Variants in CBLN2 observed in about 807,000 individuals in gnomAD.
The protein encoded by CBLN2 is cerebellin-2.
CBLN2 carries 7 observed loss-of-function variants against 15.0 expected under a neutral mutation model. The ratio of observed to expected loss-of-function variants is 0.47; its 90% CI spans 0.27 to 0.88. The LOEUF (loss-of-function observed/expected upper bound fraction) is 0.88. Ranked by LOEUF, CBLN2 falls within the 40% of genes least tolerant of loss-of-function variation. The pLI, the probability that CBLN2 is intolerant of heterozygous loss-of-function variation, is 0.14. For missense variants in CBLN2, 242 were observed against 304.5 expected (o/e 0.79, Z 1.53); for synonymous variants, 149 against 135.2 (o/e 1.10, Z -0.71).
At chr18:72,628,022 T>C (rs1163508748) in intron 1 of CBLN2, among the ~76,000 whole-genome samples, 3 of 152,206 alleles carry the variant, frequency 2.0e-5, no homozygotes, top group African/African-American at 4.8e-5. Flanking sequence ...TCTCCTGTGG[T>C]AAATCATCAG....
At chr18:72,622,404 C>T (rs889316673) in intron 1 of CBLN2, among the ~76,000 whole-genome samples, 1 of 151,756 alleles carries the variant, frequency 6.6e-6, no homozygotes, top group Non-Finnish European at 1.5e-5. Context: ...GCTTACAATG[C>T]CCTCTTGGAA....
At chr18:72,621,958 C>T (rs772492636) in intron 1 of CBLN2, among the ~76,000 whole-genome samples, 1 of 152,152 alleles carries the variant, frequency 6.6e-6, no homozygotes, top group Non-Finnish European at 1.5e-5. Flanking sequence ...GAGTGGAACA[C>T]ACATTAATTA....
At chr18:72,545,177 A>G (rs897929022), upstream of CBLN2, among the ~76,000 whole-genome samples, 7 of 152,116 alleles carry the variant, frequency 4.6e-5, no homozygotes, top group African/African-American at 1.7e-4. Flanking sequence ...TCTCACCGCT[A>G]TTCTCCCCAT....
intron 1 of CBLN2, among the ~76,000 whole-genome samples, chr18:72,579,163 C>G (rs1367099186): frequency 6.6e-6 from 1 of 152,196 alleles, no homozygotes; most frequent in African/African-American, 2.4e-5. Flanking sequence ...AATACTATTA[C>G]TGCCTTTATC....
chr18:72,569,769 C>T (rs2069319191), intron 1 of CBLN2, among the ~76,000 whole-genome samples: 1 of 152,076 alleles, frequency 6.6e-6, no homozygotes, highest in African/African-American at 2.4e-5. Context: ...AAGGGGAAGG[C>T]AATAAGCAGT....
intron 1 of CBLN2, among the ~76,000 whole-genome samples, chr18:72,583,099 C>T (rs768094393): frequency 2.0e-5 from 3 of 152,036 alleles, no homozygotes; most frequent in Admixed American, 1.3e-4. Flanking sequence ...GCCCAGGCCT[C>T]GAGGGCAGGG....
rs764214008 is a variant in CBLN2 at position 72,542,027 on chromosome 18, G to T, written c.134C>A (p.Ala45Asp). Residue 45 changes from alanine (A) to aspartate (D), a missense_variant, in exon 3 of 5, where the codon GCC becomes GAC. Physicochemically the swap from Ala to Asp is moderately radical, Grantham distance 126. Around this residue, in one of 4 missense-constraint regions of CBLN2, gnomAD observed 96 missense variants for 83.8 expected, o/e 1.15. Coordinates refer to ENST00000269503, the MANE Select transcript of CBLN2 (RefSeq NM_182511.4). Reference sequence around the variant, plus strand: ...GTTCTGCGCCCGCACGGGGCAGCAGGCGGGCAGTAGCAGCAACAGCAGGGC... The same window carrying T: ...GTTCTGCGCCCGCACGGGGCAGCAGTCGGGCAGTAGCAGCAACAGCAGGGC... ...ALALLLLLLP[A>D]CCPVRAQNDT... is the part of the protein sequence containing the mutation. The T allele has an allele frequency of 2.5e-6, 4 of 1,593,906 alleles. No homozygotes were observed. In the South Asian group the frequency reaches 4.5e-5, roughly 18 times the overall value.
chr18:72,593,954 TA>T (rs1240968665), intron 1 of CBLN2, among the ~76,000 whole-genome samples: 5 of 152,042 alleles, frequency 3.3e-5, no homozygotes, highest in East Asian at 1.9e-4. Context: ...TATGCAGCCA[TA>T]AAAAAGGATG....
chr18:72,581,098 T>C (rs2069400488), intron 1 of CBLN2, among the ~76,000 whole-genome samples: 1 of 152,202 alleles, frequency 6.6e-6, no homozygotes, highest in African/African-American at 2.4e-5. Flanking sequence ...TTAGTAATTT[T>C]CTATCCACTG....
chr18:72,578,763 C>T (rs624599), intron 1 of CBLN2, among the ~76,000 whole-genome samples: 54,763 of 152,060 alleles, frequency 0.36, 12,554 homozygotes, highest in African/African-American at 0.63. Flanking sequence ...CCTTAGTGTG[C>T]TACCTGCCTA....
chr18:72,625,739 C>A (rs28525040), intron 1 of CBLN2, among the ~76,000 whole-genome samples: 5 of 100,208 alleles, frequency 5.0e-5, no homozygotes, highest in Middle Eastern at 0.017. Flanking sequence ...CACTCTTGTC[C>A]GTTAGACCAA....
chr18:72,583,719 AC>A (rs1204036063), intron 1 of CBLN2, among the ~76,000 whole-genome samples: 2 of 152,346 alleles, frequency 1.3e-5, no homozygotes, highest in African/African-American at 4.8e-5. Context: ...GAGCATTCTT[AC>A]CACTTATAGT....
rs368831135 is a variant in CBLN2 at position 72,630,564 on chromosome 18, C to CAGAG, written c.15+7757_15+7760dup. 6.0e-3 allele frequency among the ~76,000 whole-genome samples: 813 copies of CAGAG among 135,584 alleles called. 7 individuals carry two copies. The highest frequency in any genetic ancestry group is 0.018 in the South Asian group (68 of 3,856). 88.9% of individuals were successfully genotyped at this position (135,584 alleles called of 152,430 possible). On this transcript the variant is annotated intron_variant, in intron 1 of 2. Transcript: ENST00000581073. ...CCTCCCCCCCACACACACACACATG[C>CAGAG]AGAGAGAGAGAGAGAGAGAGAGAGG... is the stretch of plus-strand genomic sequence containing the variant.
chr18:72,631,933 T>C (rs8093484), intron 1 of CBLN2, among the ~76,000 whole-genome samples: 85,571 of 151,596 alleles, frequency 0.56, 25,417 homozygotes, highest in Middle Eastern at 0.66. Context: ...ATCAACGATT[T>C]TGATGTACTA....
intron 1 of CBLN2, among the ~76,000 whole-genome samples, chr18:72,574,332 A>G (rs1238131272): frequency 6.6e-6 from 1 of 152,206 alleles, no homozygotes; most frequent in Non-Finnish European, 1.5e-5. Flanking sequence ...TAAAGAAATC[A>G]TCGCCACTTA....
At chr18:72,595,554 AT>A (rs1273422840) in intron 1 of CBLN2, among the ~76,000 whole-genome samples, 1 of 152,134 alleles carries the variant, frequency 6.6e-6, no homozygotes, top group African/African-American at 2.4e-5. Context: ...TATAGTGTAA[AT>A]TAAGTCTGAT....
intron 1 of CBLN2, among the ~76,000 whole-genome samples, chr18:72,591,311 C>A (rs549932554): frequency 2.0e-5 from 3 of 152,078 alleles, no homozygotes; most frequent in Non-Finnish European, 2.9e-5. Context: ...CCTAACAAAT[C>A]TATCAGAATC....
chr18:72,608,278 C>T (rs923856094), intron 1 of CBLN2, among the ~76,000 whole-genome samples: 1 of 152,070 alleles, frequency 6.6e-6, no homozygotes, highest in Non-Finnish European at 1.5e-5. Flanking sequence ...TTCTTTTCTC[C>T]TGGGGGGATA....
chr18:72,540,955 T>A (rs928791869), intron 3 of CBLN2, among the ~76,000 whole-genome samples: 2 of 152,206 alleles, frequency 1.3e-5, no homozygotes, highest in Non-Finnish European at 2.9e-5. Flanking sequence ...ATGTTTTTAA[T>A]TATTTTTCTG....
Sources: allele counts gnomAD v4.1 joint callset (sites outside exome capture counted in the v4.1 genomes callset), GRCh38; gene constraint gnomAD v4.1.1; regional missense constraint gnomAD v4.1.1; transcripts MANE v1.5; gene names NCBI Gene and HGNC (gene_info 2026-07-23, HGNC 2026-07-21).